Variants in ESRRG observed in about 807,000 individuals in gnomAD.
ESRRG encodes estrogen-related receptor gamma.
In ESRRG, 13 loss-of-function variants were observed where a neutral mutation model predicts 44.0. That is an observed-to-expected ratio of 0.30 (90% CI 0.19 to 0.47). The LOEUF (loss-of-function observed/expected upper bound fraction) is 0.47. Ranked by LOEUF, ESRRG falls within the 20% of genes least tolerant of loss-of-function variation. The pLI is 1.00. For synonymous variants in ESRRG, 215 were observed against 214.6 expected (o/e 1.00, Z -0.02); for missense variants, 395 against 580.6 (o/e 0.68, Z 3.29).
intron 2 of ESRRG, among the ~76,000 whole-genome samples, chr1:216,765,607 G>T (rs568323515): frequency 6.6e-6 from 1 of 152,246 alleles, no homozygotes; most frequent in East Asian, 1.9e-4. Flanking sequence ...CTGAGGGAAG[G>T]TGGGTTCCAT....
chr1:216,646,772 G>C (rs1036455522), intron 3 of ESRRG, among the ~76,000 whole-genome samples: 2 of 152,086 alleles, frequency 1.3e-5, no homozygotes, highest in Non-Finnish European at 2.9e-5. Context: ...TAAGGCAAAG[G>C]AAAAAGCACA....
At chr1:216,841,900 C>CA (rs963944172) in intron 2 of ESRRG, among the ~76,000 whole-genome samples, 15 of 149,360 alleles carry the variant, frequency 1.0e-4, no homozygotes, top group Non-Finnish European at 1.3e-4. Context: ...AGATGATTTA[C>CA]AAAAAAAAAG....
intron 1 of ESRRG, among the ~76,000 whole-genome samples, chr1:216,958,111 T>C (rs575901645): frequency 1.3e-5 from 2 of 152,338 alleles, no homozygotes; most frequent in South Asian, 2.1e-4. Flanking sequence ...AGAGTATTAA[T>C]AGTTATATCA....
chr1:216,840,838 T>C (rs1286431179), intron 2 of ESRRG, among the ~76,000 whole-genome samples: 1 of 152,146 alleles, frequency 6.6e-6, no homozygotes, highest in Non-Finnish European at 1.5e-5. Context: ...TATATGGGTA[T>C]GGTTTGTGGT....
At chr1:216,539,577 C>T (rs901966242) in intron 5 of ESRRG, among the ~76,000 whole-genome samples, 1 of 152,018 alleles carries the variant, frequency 6.6e-6, no homozygotes, top group East Asian at 1.9e-4. Flanking sequence ...TATATGCTGT[C>T]CTTCCTGTCC....
rs1160682531 is a variant in ESRRG at position 216,639,627 on chromosome 1, C to A, written c.589+11346G>T. Among the ~76,000 whole-genome samples the A allele has an allele frequency of 2.6e-5, 4 of 152,044 alleles. No individual in the cohort carries two copies. The South Asian group carries it at 6.2e-4, about 24-fold the overall frequency. ...TTCTACTCCTTAAATTTCCCATATC[C>A]CCAAGACACATACAAACGCTAGTAA... On this transcript the variant is annotated intron_variant, in intron 3 of 6. Coordinates refer to ENST00000408911, the MANE Select transcript of ESRRG (RefSeq NM_001438.4).
Position 217,080,996 on chromosome 1 carries a change from GTTCACAA to G in ESRRG, c.-106+8504_-106+8510del, listed in dbSNP as rs1448604540. 5.3e-5 allele frequency among the ~76,000 whole-genome samples: 8 copies of G among 151,996 alleles called. No homozygotes were observed. In the East Asian group the frequency reaches 1.6e-3, roughly 30 times the overall value. On this transcript the variant is annotated intron_variant, in intron 1 of 7. Transcript: ENST00000359162. ...CTGACCCCAGTTTCTAGGTTTAACA[GTTCACAA>G]AAGTGTAGAGTTTTGTTGATCATTA...
rs1305149054 is a variant in ESRRG at position 216,523,934 on chromosome 1, T to C, written c.863-4513A>G. On this transcript the variant is annotated intron_variant, in intron 5 of 6. Transcript: ENST00000408911. ...CATAATGACTCACTGAGATCACAAA[T>C]GAAGTTCATTTTGAGAAGCTGATTA... 4.0e-5 allele frequency among the ~76,000 whole-genome samples: 6 copies of C among 151,822 alleles called. 1 individual carries two copies. Among genetic ancestry groups the C allele is most frequent in the Admixed American group, 3.9e-4 (6 of 15,218 alleles).
chr1:217,045,616 T>C (rs1199480360), intron 1 of ESRRG, among the ~76,000 whole-genome samples: 1 of 152,154 alleles, frequency 6.6e-6, no homozygotes, highest in Non-Finnish European at 1.5e-5. Flanking sequence ...AAGGATGGGA[T>C]ATTGGAAGGT....
intron 2 of ESRRG, among the ~76,000 whole-genome samples, chr1:216,834,761 A>G (rs2095537991): frequency 6.6e-6 from 1 of 152,194 alleles, no homozygotes; most frequent in Non-Finnish European, 1.5e-5. Flanking sequence ...GATGCTAGCA[A>G]TTTGAAAACA....
chr1:216,544,730 A>G (rs1186242288), intron 5 of ESRRG, among the ~76,000 whole-genome samples: 4 of 144,920 alleles, frequency 2.8e-5, no homozygotes, highest in Non-Finnish European at 6.2e-5. Context: ...CCTAGAAAAA[A>G]CACTGTTTGT....
At chr1:217,114,247 G>A (rs987399015) in intron 1 of ESRRG, among the ~76,000 whole-genome samples, 22 of 151,822 alleles carry the variant, frequency 1.4e-4, no homozygotes, top group African/African-American at 4.6e-4. Context: ...GGGCCTTAGA[G>A]GTTTCAGGAA....
rs1407511830 is a variant in ESRRG at position 216,651,086 on chromosome 1, T to C, written c.476A>G (p.Asn159Ser). The C allele has an allele frequency of 6.3e-7, 1 of 1,594,624 alleles. No individual in the cohort carries two copies. Among genetic ancestry groups the C allele is most frequent in the Non-Finnish European group, 8.6e-7 (1 of 1,162,474 alleles). Reference protein sequence around the residue: ...KAFFKRTIQGNIEYSCPATNE... With the variant: ...KAFFKRTIQGSIEYSCPATNE... ...CGTGGCAGGGCAGCTGTATTCTATA[T>C]TGCCTAAAACACAAGTTTGAAGAAA... is the stretch of plus-strand genomic sequence containing the variant. Residue 159 changes from asparagine to serine, a missense_variant, in exon 3 of 7, where the codon AAT becomes AGT. By Grantham distance (46) the Asn-to-Ser change is conservative (BLOSUM62 1). Transcript: ENST00000408911.
chr1:217,123,377 C>A (rs190320627), intron 1 of ESRRG, among the ~76,000 whole-genome samples: 1 of 152,278 alleles, frequency 6.6e-6, no homozygotes, highest in Admixed American at 6.5e-5. Flanking sequence ...TAATTACATT[C>A]TTGCCTTTGT....
At chr1:216,798,612 G>T (rs2148248979) in intron 2 of ESRRG, among the ~76,000 whole-genome samples, 1 of 152,268 alleles carries the variant, frequency 6.6e-6, no homozygotes, top group East Asian at 1.9e-4. Flanking sequence ...AATCTATATA[G>T]GTAGTAAGAG....
At chr1:217,099,516 G>A (rs2092475232) in intron 1 of ESRRG, among the ~76,000 whole-genome samples, 1 of 152,100 alleles carries the variant, frequency 6.6e-6, no homozygotes, top group African/African-American at 2.4e-5. Context: ...AATGTGGATA[G>A]CCATGAATTG....
At chr1:216,684,953 T>C (rs966450182) in intron 1 of ESRRG, among the ~76,000 whole-genome samples, 2 of 152,224 alleles carry the variant, frequency 1.3e-5, no homozygotes, top group Admixed American at 1.3e-4. Flanking sequence ...ATGACGCCAA[T>C]GGATCCGAAG....
chr1:216,876,698 T>C (rs2096360299), intron 2 of ESRRG, among the ~76,000 whole-genome samples: 1 of 152,132 alleles, frequency 6.6e-6, no homozygotes, highest in African/African-American at 2.4e-5. Context: ...GTCAGTATTA[T>C]TCATAGAACC....
intron 2 of ESRRG, among the ~76,000 whole-genome samples, chr1:216,664,297 T>C (rs190688967): frequency 1.0e-3 from 157 of 152,094 alleles, no homozygotes; most frequent in Admixed American, 1.7e-3. Context: ...TGCCTCAAGT[T>C]CCACATCTAT....
Sources: gnomAD v4.1 joint callset for allele counts (sites outside exome capture counted in the v4.1 genomes callset) on GRCh38, gnomAD v4.1.1 for gene constraint, MANE v1.5 for transcripts, NCBI Gene and HGNC (gene_info 2026-07-23, HGNC 2026-07-21) for gene names.